Variants in KANK1 observed in about 807,000 individuals in gnomAD.
KANK1 encodes the protein KN motif and ankyrin repeat domain-containing protein 1.
In KANK1, 109 loss-of-function variants were observed where a neutral mutation model predicts 106.2. The ratio of observed to expected loss-of-function variants is 1.03; its 90% CI spans 0.88 to 1.20. The LOEUF is 1.20. Among genes scored for constraint, KANK1 ranks in the 50% most tolerant of loss-of-function variants. KANK1 has a pLI of 0.00. For synonymous variants in KANK1, 873 were observed against 652.2 expected, an observed-to-expected ratio of 1.34 and a Z score of -5.16; for missense variants, 2,399 against 1,710.7, an observed-to-expected ratio of 1.40 and a Z score of -7.10.
chr9:705,765 A>AT (rs1322409359), intron 2 of KANK1, among the ~76,000 whole-genome samples: 4 of 151,318 alleles, frequency 2.6e-5, no homozygotes, highest in Non-Finnish European at 5.9e-5. Context: ...TGCTTGGGTA[A>AT]TTTTTTATAT....
At chr9:593,421 G>T in intron 1 of KANK1, among the ~76,000 whole-genome samples, 1 of 149,848 alleles carries the variant, frequency 6.7e-6, no homozygotes, top group Non-Finnish European at 1.5e-5. Context: ...CATTTTTTAT[G>T]CTTAGTGGAT....
chr9:536,407 G>A (rs2060303239), intron 1 of KANK1, among the ~76,000 whole-genome samples: 1 of 108,656 alleles, frequency 9.2e-6, no homozygotes, highest in Non-Finnish European at 2.1e-5. Context: ...GTTGGACACA[G>A]GTCTCACTGG....
chr9:487,074 T>C (rs1472750970), intron 3 of KANK1, among the ~76,000 whole-genome samples: 2 of 152,224 alleles, frequency 1.3e-5, no homozygotes, highest in Non-Finnish European at 2.9e-5. Flanking sequence ...AAGAAAGATA[T>C]GCTGAATTTT....
At chr9:744,395 T>C in intron 10 of KANK1, 96 bp from the exon 11 acceptor site, 1 of 1,406,490 alleles carries the variant, frequency 7.1e-7, no homozygotes, top group Non-Finnish European at 9.7e-7. Context: ...TTGGGGAACC[T>C]TGCCAATTAT....
Position 516,895 on chromosome 9 carries a change from G to A in KANK1, c.-84+12141G>A, listed in dbSNP as rs548535837. Among the ~76,000 whole-genome samples, 361 of 151,564 alleles carry A rather than the reference G, an allele frequency of 2.4e-3. 1 individual carries two copies. Among genetic ancestry groups the A allele is most frequent in the Non-Finnish European group, 4.1e-3 (280 of 68,000 alleles). On this transcript the variant is annotated intron_variant, in intron 1 of 11. Coordinates refer to ENST00000382297, the MANE Select transcript of KANK1 (RefSeq NM_015158.5). ...GAATTTCATGCCTCCATCAGTGTAAGTTTGAACACTTGGGTTACGAAGAAA... is the reference window on the plus strand; with the variant it reads ...GAATTTCATGCCTCCATCAGTGTAAATTTGAACACTTGGGTTACGAAGAAA...
rs893553498 is a variant in KANK1 at position 592,677 on chromosome 9, TTAAAA to T, written c.-83-84210_-83-84206del. 3.4e-4 allele frequency among the ~76,000 whole-genome samples: 51 copies of T among 152,044 alleles called. 2 individuals carry two copies. Among genetic ancestry groups the T allele is most frequent in the African/African-American group, 1.2e-3 (49 of 41,296 alleles). ...TAGTTTTATGGTTTCATCTCACATT[TTAAAA>T]TATTTTATCTGTATGAAACTTAGTT... On this transcript the variant is annotated intron_variant, in intron 1 of 11. Coordinates refer to ENST00000382297, the MANE Select transcript of KANK1 (RefSeq NM_015158.5).
intron 1 of KANK1, among the ~76,000 whole-genome samples, chr9:558,530 G>T (rs945642262): frequency 1.4e-4 from 21 of 152,108 alleles, no homozygotes; most frequent in African/African-American, 5.1e-4. Context: ...ACCTCATGGC[G>T]AAGAGCACTG....
At chr9:578,595 T>C (rs942408221) in intron 1 of KANK1, among the ~76,000 whole-genome samples, 3 of 152,124 alleles carry the variant, frequency 2.0e-5, no homozygotes, top group Non-Finnish European at 4.4e-5. Context: ...CAATGTTGAT[T>C]TTAAAAAATA....
chr9:697,192 T>C (rs1821531933), intron 2 of KANK1, among the ~76,000 whole-genome samples: 1 of 151,970 alleles, frequency 6.6e-6, no homozygotes, highest in African/African-American at 2.4e-5. Context: ...ATGGCCATGA[T>C]GGTTTTAAAA....
chr9:636,874 C>T (rs1406229444), intron 1 of KANK1, among the ~76,000 whole-genome samples: 1 of 152,180 alleles, frequency 6.6e-6, no homozygotes, highest in African/African-American at 2.4e-5. Flanking sequence ...AAAATAAAAA[C>T]ATAAACAAAA....
chr9:723,187 A>G (rs1829805272), intron 3 of KANK1, among the ~76,000 whole-genome samples: 1 of 152,108 alleles, frequency 6.6e-6, no homozygotes, highest in African/African-American at 2.4e-5. Context: ...CTGAGAGGTA[A>G]AGTTCCCGCA....
chr9:528,714 C>T (rs1318764911), intron 1 of KANK1, among the ~76,000 whole-genome samples: 2 of 152,016 alleles, frequency 1.3e-5, no homozygotes, highest in Non-Finnish European at 2.9e-5. Context: ...TCTCAAACTC[C>T]TGACCTCAGG....
In KANK1 at chr9:711,609, G is replaced by A. The variant is rs759100790; in HGVS notation, c.843G>A (p.Val281=). ...GCCTGAAGGAGCTGGAGGAGCAGGT[G>A]CGAACCATCCCTGTGCTCCAGGTAA... is the stretch of plus-strand genomic sequence containing the variant. ...LKRLKELEEQ[V]RTIPVLQVKI... The change falls in exon 3 of 12, where the codon GTG becomes GTA. Residue 281 remains valine (V), a synonymous_variant. Coordinates refer to ENST00000382297, the MANE Select transcript of KANK1 (RefSeq NM_015158.5). 6.8e-6 allele frequency: 11 copies of A among 1,614,160 alleles called. No individual in the cohort carries two copies. The highest frequency in any genetic ancestry group is 9.3e-6 in the Non-Finnish European group (11 of 1,180,040).
intron 3 of KANK1, among the ~76,000 whole-genome samples, chr9:723,418 G>T (rs1829865882): frequency 1.3e-5 from 2 of 152,168 alleles, no homozygotes; most frequent in South Asian, 4.1e-4. Context: ...TGGTTACACA[G>T]GCGTATACAT....
intron 1 of KANK1, among the ~76,000 whole-genome samples, chr9:646,344 A>C (rs537792266): frequency 6.6e-6 from 1 of 150,784 alleles, no homozygotes; most frequent in South Asian, 2.1e-4. Flanking sequence ...TAAAAAAAAA[A>C]TTTAAGAAAA....
intron 1 of KANK1, among the ~76,000 whole-genome samples, chr9:643,961 C>G (rs1444061578): frequency 6.6e-6 from 1 of 150,948 alleles, no homozygotes; most frequent in African/African-American, 2.5e-5. Flanking sequence ...CCTTGGCCTC[C>G]CAAAGTGCTG....
intron 1 of KANK1, among the ~76,000 whole-genome samples, chr9:612,045 C>T (rs1053604598): frequency 2.0e-5 from 3 of 152,182 alleles, no homozygotes; most frequent in Non-Finnish European, 4.4e-5. Context: ...GTGCCCTTGC[C>T]TGTACATATA....
chr9:734,713 T>C (rs1183428540), intron 6 of KANK1, 35 bp from the exon 7 acceptor site: 1 of 1,426,578 alleles, frequency 7.0e-7, no homozygotes, highest in African/African-American at 1.4e-5. Flanking sequence ...ATTTTCTTCT[T>C]GTGACCAATC....
chr9:592,253 T>A (rs1317431486), intron 1 of KANK1, among the ~76,000 whole-genome samples: 1 of 151,892 alleles, frequency 6.6e-6, no homozygotes, highest in African/African-American at 2.4e-5. Context: ...GGAATTGATC[T>A]AGATAAGTTA....
Sources: gnomAD v4.1 joint callset for allele counts (sites outside exome capture counted in the v4.1 genomes callset) on GRCh38, gnomAD v4.1.1 for gene constraint, MANE v1.5 for transcripts, NCBI Gene and HGNC (gene_info 2026-07-23, HGNC 2026-07-21) for gene names.